The following SUGCT variants were observed in gnomAD, a reference collection of about 807,000 sequenced individuals.
SUGCT encodes the protein succinyl-CoA:glutarate-CoA transferase.
SUGCT carries 41 observed loss-of-function variants against 55.0 expected under a neutral mutation model. The observed-to-expected ratio is 0.74, with a 90% CI of 0.58 to 0.97. The LOEUF (loss-of-function observed/expected upper bound fraction) is 0.97. Ranked by LOEUF, SUGCT falls within the 50% of genes least tolerant of loss-of-function variation. The probability of loss-of-function intolerance (pLI) is 0.00; values close to 1 mark genes in which losing one functional copy is unlikely to be tolerated. For missense variants in SUGCT, 568 were observed against 547.8 expected (o/e 1.04, Z -0.37); for synonymous variants, 187 against 200.4 (o/e 0.93, Z 0.56).
chr7:40,307,334 C>T (rs922963830), intron 8 of SUGCT, among the ~76,000 whole-genome samples: 7 of 152,066 alleles, frequency 4.6e-5, no homozygotes, highest in African/African-American at 1.4e-4. Flanking sequence ...AGAGGTTCAC[C>T]TAATTGGAAA....
At chr7:40,262,527 T>C (rs1334636116) in intron 7 of SUGCT, among the ~76,000 whole-genome samples, 6 of 147,230 alleles carry the variant, frequency 4.1e-5, no homozygotes, top group Non-Finnish European at 8.9e-5. Context: ...TAGCCGAGCG[T>C]GGTAGTGGGC....
chr7:40,953,281 G>A, the SUGCT span, among the ~76,000 whole-genome samples: 57 of 152,190 alleles, frequency 3.7e-4, no homozygotes, highest in East Asian at 9.5e-3. Context: ...TGTAGTTCTC[G>A]TGCCATGGTT....
chr7:40,690,715 C>T (rs933296705), intron 12 of SUGCT, among the ~76,000 whole-genome samples: 2 of 152,060 alleles, frequency 1.3e-5, no homozygotes, highest in African/African-American at 2.4e-5. Flanking sequence ...ACTACAGGCA[C>T]GTGCCAAGAT....
intron 1 of SUGCT, among the ~76,000 whole-genome samples, chr7:40,179,911 A>T (rs1785103361): frequency 6.6e-6 from 1 of 152,228 alleles, no homozygotes; most frequent in Non-Finnish European, 1.5e-5. Context: ...AGGAGAATGT[A>T]TGAGGTTGTG....
At chr7:40,236,837 C>A (rs1171801818) in intron 6 of SUGCT, among the ~76,000 whole-genome samples, 1 of 151,794 alleles carries the variant, frequency 6.6e-6, no homozygotes, top group Non-Finnish European at 1.5e-5. Context: ...TGAATTATTT[C>A]CTTTTTTTTT....
rs1349105422 is a variant in SUGCT, at chr7:40,777,258, C to T, written c.1153+27761C>T. ...AGTTTCTAGGTTTTGATCCTACTTG[C>T]TTTTTTTTCTACTTAACTTGAATGG... On this transcript the variant is annotated intron_variant, in intron 13 of 13. Transcript: ENST00000335693. Among the ~76,000 whole-genome samples, 3 of 151,952 alleles carry T rather than the reference C, an allele frequency of 2.0e-5. No individual in the cohort carries two copies. In the East Asian group the frequency reaches 5.8e-4, roughly 29 times the overall value.
At chr7:40,499,028 G>A (rs996369450) in intron 12 of SUGCT, 2 of 455,664 alleles carry the variant, frequency 4.4e-6, no homozygotes, top group Non-Finnish European at 8.8e-6. Context: ...ATCCTCCCTT[G>A]TTTTGCCTCT....
chr7:40,530,876 T>A (rs1484785832), intron 12 of SUGCT, among the ~76,000 whole-genome samples: 1 of 152,242 alleles, frequency 6.6e-6, no homozygotes, highest in Non-Finnish European at 1.5e-5. Context: ...GGGTTAGGCG[T>A]GTGCTAAGTG....
intron 12 of SUGCT, among the ~76,000 whole-genome samples, chr7:40,604,908 C>T (rs1204712068): frequency 6.6e-6 from 1 of 152,206 alleles, no homozygotes; most frequent in Non-Finnish European, 1.5e-5. Context: ...CAGGCAAGGA[C>T]AGGAGGTCAG....
At chr7:40,861,841 G>C (rs2128810516), downstream of SUGCT, among the ~76,000 whole-genome samples, 1 of 152,290 alleles carries the variant, frequency 6.6e-6, no homozygotes, top group Non-Finnish European at 1.5e-5. Flanking sequence ...AAGAACTCTT[G>C]CTGTTATTCT....
At chr7:40,378,979 G>C (rs938581652) in intron 9 of SUGCT, among the ~76,000 whole-genome samples, 3 of 152,170 alleles carry the variant, frequency 2.0e-5, no homozygotes, top group Non-Finnish European at 4.4e-5. Context: ...AGGATCTTGA[G>C]GGGTGGAAGT....
chr7:40,844,400 G>A (rs1404089845), intron 13 of SUGCT, among the ~76,000 whole-genome samples: 1 of 152,136 alleles, frequency 6.6e-6, no homozygotes, highest in Non-Finnish European at 1.5e-5. Flanking sequence ...TCAGTGGGAA[G>A]GGGAGCTGGA....
At chr7:40,556,164 C>T (rs565407724) in intron 12 of SUGCT, among the ~76,000 whole-genome samples, 1 of 152,152 alleles carries the variant, frequency 6.6e-6, no homozygotes, top group Non-Finnish European at 1.5e-5. Context: ...TTAAGTCTAT[C>T]CTCCACCTTC....
intron 8 of SUGCT, among the ~76,000 whole-genome samples, chr7:40,291,873 A>C (rs957037623): frequency 6.6e-6 from 1 of 152,142 alleles, no homozygotes; most frequent in East Asian, 1.9e-4. Flanking sequence ...CACATCTAAC[A>C]TATGCACTCA....
intron 8 of SUGCT, among the ~76,000 whole-genome samples, chr7:40,293,520 C>T (rs1282146664): frequency 1.3e-5 from 2 of 152,188 alleles, no homozygotes; most frequent in South Asian, 2.1e-4. Flanking sequence ...AATTCATGAA[C>T]TTATGATGTA....
At chr7:40,277,379 G>A (rs1238259296) in intron 8 of SUGCT, among the ~76,000 whole-genome samples, 2 of 151,294 alleles carry the variant, frequency 1.3e-5, no homozygotes, top group African/African-American at 2.4e-5. Context: ...TGGTAGAGAC[G>A]GGGTTTTGCC....
At chr7:40,499,339 T>C (rs1792160482) in intron 12 of SUGCT, 1 of 204,072 alleles carries the variant, frequency 4.9e-6, no homozygotes, top group African/African-American at 2.4e-5. Context: ...TTACAGCATT[T>C]CATTTGTGGT....
chr7:40,787,015 T>A (rs1790048072), intron 13 of SUGCT, among the ~76,000 whole-genome samples: 1 of 152,198 alleles, frequency 6.6e-6, no homozygotes, highest in Non-Finnish European at 1.5e-5. Context: ...ATTTCACAAA[T>A]GCAGTCTGTC....
chr7:40,934,355 C>A, the SUGCT span, among the ~76,000 whole-genome samples: 1 of 152,294 alleles, frequency 6.6e-6, no homozygotes, highest in South Asian at 2.1e-4. Flanking sequence ...TGTCTTTCGG[C>A]CCCTACTGGG....
Sources: allele counts gnomAD v4.1 joint callset (sites outside exome capture counted in the v4.1 genomes callset), GRCh38; gene constraint gnomAD v4.1.1; transcripts MANE v1.5; gene names NCBI Gene and HGNC (gene_info 2026-07-23, HGNC 2026-07-21).